Variants in CORO2B observed in about 807,000 individuals in gnomAD.
The protein encoded by CORO2B is coronin 2B, also known as coronin-2B.
Under a neutral mutation model 58.8 loss-of-function variants are expected in CORO2B, and 26 were observed. The observed-to-expected ratio is 0.44, with a 90% CI of 0.32 to 0.61. CORO2B has a LOEUF of 0.61. Ranked by LOEUF, CORO2B falls within the 20% of genes least tolerant of loss-of-function variation. The pLI, the probability that CORO2B is intolerant of heterozygous loss-of-function variation, is 0.04. For missense variants in CORO2B, 460 were observed against 645.1 expected, an observed-to-expected ratio of 0.71 and a Z score of 3.11; for synonymous variants, 242 against 253.8, an observed-to-expected ratio of 0.95 and a Z score of 0.44.
the CORO2B span, among the ~76,000 whole-genome samples, chr15:68,545,074 T>C: frequency 2.6e-5 from 4 of 152,112 alleles, no homozygotes; most frequent in Admixed American, 2.6e-4. Context: ...ACGCCCGGCC[T>C]GCAAGGCACA....
Position 68,658,080 on chromosome 15 carries a change from C to G in CORO2B, c.216+12720C>G, listed in dbSNP as rs143807047. Among the ~76,000 whole-genome samples, 503 of 152,312 alleles carry G rather than the reference C, an allele frequency of 3.3e-3. 6 individuals carry two copies. The East Asian group carries it at 0.052, about 16-fold the overall frequency. ...AGCTTCTCTGCCTGGTTCTTTGTAACCTTGGGTGAGTTCCTTTGCCTTTCT... is the reference window on the plus strand; with the variant it reads ...AGCTTCTCTGCCTGGTTCTTTGTAAGCTTGGGTGAGTTCCTTTGCCTTTCT... On this transcript the variant is annotated intron_variant, in intron 2 of 11. Coordinates refer to ENST00000261861, the MANE Select transcript of CORO2B (RefSeq NM_006091.5).
At chr15:68,604,894 T>A (rs1900068876) in intron 1 of CORO2B, among the ~76,000 whole-genome samples, 1 of 152,138 alleles carries the variant, frequency 6.6e-6, no homozygotes, top group Non-Finnish European at 1.5e-5. Context: ...GGCGGGCTGA[T>A]CACGAGGTCA....
intron 9 of CORO2B, 140 bp from the exon 10 acceptor site, chr15:68,719,004 A>G: frequency 1.2e-6 from 1 of 849,814 alleles, no homozygotes; most frequent in Non-Finnish European, 1.9e-6. Context: ...AGGTAGTTCC[A>G]GGAGGGAGAC....
intron 11 of CORO2B, 110 bp from the exon 12 acceptor site, chr15:68,725,733 G>T: frequency 7.1e-7 from 1 of 1,403,292 alleles, no homozygotes; most frequent in Non-Finnish European, 9.8e-7. Context: ...GGGAGGCCTG[G>T]GGGAATGTGA....
intron 1 of CORO2B, among the ~76,000 whole-genome samples, chr15:68,621,863 C>A (rs1900531721): frequency 6.6e-6 from 1 of 150,622 alleles, no homozygotes; most frequent in Admixed American, 6.6e-5. Flanking sequence ...TTCAAGTGAT[C>A]CTCCCACCTC....
chr15:68,609,183 C>T (rs943524558), intron 1 of CORO2B, among the ~76,000 whole-genome samples: 9 of 152,144 alleles, frequency 5.9e-5, no homozygotes, highest in African/African-American at 2.2e-4. Flanking sequence ...AAAAGGATTG[C>T]AGGTGACAAG....
chr15:68,575,577 G>GCGCC (rs370419859), upstream of CORO2B, among the ~76,000 whole-genome samples: 1 of 38,752 alleles, frequency 2.6e-5, no homozygotes, highest in Non-Finnish European at 5.7e-5. Flanking sequence ...CTTGTGATCT[G>GCGCC]CCCCCGCCTC....
intron 3 of CORO2B, among the ~76,000 whole-genome samples, chr15:68,697,047 A>G (rs1050173066): frequency 6.6e-6 from 1 of 152,260 alleles, no homozygotes; most frequent in African/African-American, 2.4e-5. Flanking sequence ...TGCATCCAGC[A>G]CAGGGCCTGG....
the CORO2B span, among the ~76,000 whole-genome samples, chr15:68,537,952 G>A: frequency 6.6e-6 from 1 of 152,230 alleles, no homozygotes; most frequent in African/African-American, 2.4e-5. Flanking sequence ...TAATAAGTAT[G>A]TGTTGAGCAT....
the CORO2B span, among the ~76,000 whole-genome samples, chr15:68,544,501 C>T: frequency 6.6e-6 from 1 of 152,264 alleles, no homozygotes; most frequent in African/African-American, 2.4e-5. Context: ...CATCCTGTTC[C>T]AGGTGGAGGA....
At chr15:68,524,610 A>G in the CORO2B span, among the ~76,000 whole-genome samples, 1 of 152,356 alleles carries the variant, frequency 6.6e-6, no homozygotes, top group African/African-American at 2.4e-5. Context: ...TTTGCAAATG[A>G]AGACATTGAA....
chr15:68,572,385 C>T, the CORO2B span, among the ~76,000 whole-genome samples: 1 of 152,206 alleles, frequency 6.6e-6, no homozygotes, highest in Non-Finnish European at 1.5e-5. Flanking sequence ...TGCTTGTAAC[C>T]TCCTTGTCTT....
chr15:68,578,803 C>T (rs1407032313), upstream of CORO2B, among the ~76,000 whole-genome samples: 1 of 151,972 alleles, frequency 6.6e-6, no homozygotes, highest in East Asian at 1.9e-4. The surrounding 1 kb of genome is among the most constrained non-coding windows in gnomAD (Gnocchi z 4.2). Flanking sequence ...AGGCCGCGGA[C>T]CCGGGCGCCC....
intron 11 of CORO2B, 107 bp from the exon 12 acceptor site, chr15:68,725,736 G>T (rs1893278733): frequency 9.8e-6 from 14 of 1,426,650 alleles, no homozygotes; most frequent in Non-Finnish European, 1.3e-5. Context: ...AGGCCTGGGG[G>T]AATGTGAGGG....
chr15:68,714,519 C>G, intron 6 of CORO2B, 40 bp from the exon 7 acceptor site: 1 of 1,528,660 alleles, frequency 6.5e-7, no homozygotes, highest in Non-Finnish European at 9.1e-7. Context: ...GGTATGCCAT[C>G]CTGCCTGCAG....
intron 2 of CORO2B, among the ~76,000 whole-genome samples, chr15:68,647,587 G>A (rs961412097): frequency 2.0e-5 from 3 of 151,926 alleles, no homozygotes; most frequent in Admixed American, 1.3e-4. Flanking sequence ...TGCTCTGGAG[G>A]CTGAGGCAGG....
the CORO2B span, among the ~76,000 whole-genome samples, chr15:68,542,172 A>G: frequency 1.3e-5 from 2 of 152,346 alleles, no homozygotes; most frequent in East Asian, 3.9e-4. Context: ...GCTGGAAGCA[A>G]AAGACCCCAA....
chr15:68,637,320 T>C (rs1595981906), intron 1 of CORO2B, among the ~76,000 whole-genome samples: 1 of 152,154 alleles, frequency 6.6e-6, no homozygotes, highest in African/African-American at 2.4e-5. Context: ...TGTAGGCTGG[T>C]TCCCTCTGCT....
intron 1 of CORO2B, among the ~76,000 whole-genome samples, chr15:68,588,631 C>G (rs4776411): frequency 0.77 from 117,633 of 152,132 alleles, 45,638 homozygotes; most frequent in Middle Eastern, 0.88. Context: ...ATGCCCCCAG[C>G]GCTCAGACCT....
Sources: gnomAD v4.1 joint callset for allele counts (sites outside exome capture counted in the v4.1 genomes callset) on GRCh38, gnomAD v4.1.1 for gene constraint, Gnocchi (gnomAD v3.1) non-coding constraint, MANE v1.5 for transcripts, NCBI Gene and HGNC (gene_info 2026-07-23, HGNC 2026-07-21) for gene names.